ZNF48: variants seen among roughly 807,000 people sequenced by gnomAD.
ZNF48 encodes zinc finger protein 48.
A neutral mutation model predicts 40.0 loss-of-function variants in ZNF48; 20 were observed. The observed-to-expected ratio is 0.50, with a 90% CI of 0.35 to 0.73. The LOEUF (loss-of-function observed/expected upper bound fraction) is 0.73, where lower values mean the gene tolerates loss of function less well. Among genes scored for constraint, ZNF48 ranks in the 30% least tolerant of loss-of-function variants. The pLI is 0.01. For missense variants in ZNF48, 726 were observed against 851.9 expected (o/e 0.85, Z 1.84); for synonymous variants, 298 against 329.7 (o/e 0.90, Z 1.04).
Position 30,395,985 on chromosome 16 carries a change from G to T in ZNF48, c.79+112G>T. 1 of 1,129,694 alleles carries T rather than the reference G, an allele frequency of 8.9e-7. No homozygotes were observed. Among genetic ancestry groups the T allele is most frequent in the South Asian group, 2.1e-5 (1 of 48,362 alleles). 70.0% of individuals were successfully genotyped at this position (1,129,694 alleles called of 1,614,324 possible). On this transcript the variant is annotated intron_variant, in intron 2 of 2. Coordinates refer to ENST00000613509, the MANE Select transcript of ZNF48 (RefSeq NM_001214909.2). This position sits in a 1 kb window ranked among gnomAD's most constrained non-coding sequence, Gnocchi z 5.9. ...AGATCGGACGTGAGCTGTGCCTCTG[G>T]GGAGATAGGGGGAGGGGAGCTTTCG... is the stretch of plus-strand genomic sequence containing the variant.
upstream of ZNF48, among the ~76,000 whole-genome samples, chr16:30,393,842 T>G (rs537630451): frequency 6.6e-6 from 1 of 152,040 alleles, no homozygotes; most frequent in Non-Finnish European, 1.5e-5. Flanking sequence ...CAGTCTCCAG[T>G]GTAGCCAGGA....
chr16:30,378,747 G>A (rs759067671), intron 1 of ZNF48: 19 of 1,567,334 alleles, frequency 1.2e-5, no homozygotes, highest in Non-Finnish European at 1.6e-5. Context: ...GGGACCTGAG[G>A]TTGTGGGTGA....
rs192091806 is a variant in ZNF48 at position 30,386,142 on chromosome 16, C to T, written c.-16+7732C>T. 1.4e-3 allele frequency among the ~76,000 whole-genome samples: 207 copies of T among 151,066 alleles called. 1 individual carries two copies. The highest frequency in any genetic ancestry group is 4.7e-3 in the East Asian group (24 of 5,064). Reference sequence around the variant, plus strand: ...TAAAAAAAAAAAATTAGCTGGGCATCGTGGTGCACAATTGTTGCCCCAGCT... The same window carrying T: ...TAAAAAAAAAAAATTAGCTGGGCATTGTGGTGCACAATTGTTGCCCCAGCT... On this transcript the variant is annotated intron_variant, in intron 1 of 2. Coordinates refer to the ZNF48 transcript ENST00000528032.
At chr16:30,379,118 C>T in intron 1 of ZNF48, 4 of 1,614,098 alleles carry the variant, frequency 2.5e-6, no homozygotes, top group Non-Finnish European at 3.4e-6. Context: ...TCTTTCAGGT[C>T]CTGCAGGTGT....
Position 30,395,780 on chromosome 16 carries a change from G to A in ZNF48, c.-15G>A, listed in dbSNP as rs1211131138. 1 of 1,535,334 alleles carries A rather than the reference G, an allele frequency of 6.5e-7. No individual in the cohort carries two copies. On this transcript the variant is annotated splice_region_variant and 5_prime_UTR_variant, in exon 2 of 3. Coordinates refer to ENST00000613509, the MANE Select transcript of ZNF48 (RefSeq NM_001214909.2). This position sits in a 1 kb window ranked among gnomAD's most constrained non-coding sequence, Gnocchi z 5.9. ...GGATGCTGTCTGTCCCCTTGCTCAG[G>A]GCGGCGTGCCGGCGATGGAGCGCGC... is the stretch of plus-strand genomic sequence containing the variant.
upstream of ZNF48, chr16:30,394,535 GGGCTGCCGACCTGTCC>G (rs1317744979): frequency 6.6e-6 from 1 of 152,338 alleles, no homozygotes; most frequent in Non-Finnish European, 1.5e-5. Context: ...GGCCTCTATA[GGGCTGCCGACCTGTCC>G]GGAGTCTTTC....
intron 1 of ZNF48, chr16:30,379,292 C>T: frequency 1.3e-6 from 2 of 1,490,976 alleles, no homozygotes; most frequent in Admixed American, 1.8e-5. Flanking sequence ...GCGGAGGGTC[C>T]GCGGTCTGCA....
chr16:30,394,383 C>T (rs939455474), upstream of ZNF48, among the ~76,000 whole-genome samples: 1 of 152,168 alleles, frequency 6.6e-6, no homozygotes, highest in Non-Finnish European at 1.5e-5. Flanking sequence ...TCCAGACACT[C>T]TCTCCACCCC....
intron 1 of ZNF48, among the ~76,000 whole-genome samples, chr16:30,387,420 T>C (rs1380012909): frequency 2.0e-5 from 3 of 147,056 alleles, no homozygotes; most frequent in South Asian, 4.3e-4. Context: ...CCAGGCATGG[T>C]GGCGCATGCC....
chr16:30,399,254 T>A lies in ZNF48; in HGVS notation c.*147T>A. On this transcript the variant is annotated 3_prime_UTR_variant, in exon 3 of 3. Transcript: ENST00000613509. ...AGATAGAAATAGGGATTGGAGACAG[T>A]AACCTTGAAGCTCAGGAAACTGTCC... The A allele has an allele frequency of 1.2e-6, 1 of 821,922 alleles. No individual in the cohort carries two copies. The highest frequency in any genetic ancestry group is 1.8e-6 in the Non-Finnish European group (1 of 547,980). 50.9% of individuals were successfully genotyped at this position (821,922 alleles called of 1,614,324 possible).
rs1349502724 is a variant in ZNF48, at chr16:30,382,240, TCCC to T, written c.-16+3832_-16+3834del. The stretch of plus-strand genomic sequence containing the variant: ...GGACAGCCAGGGCCTCCTAAGGACA[TCCC>T]CTCCGCAGTTCCCTCTCCAAAACCC... On this transcript the variant is annotated intron_variant, in intron 1 of 2. Transcript: ENST00000528032. This position sits in a 1 kb window ranked among gnomAD's most constrained non-coding sequence, Gnocchi z 4.8. 1 of 1,612,676 alleles carries T rather than the reference TCCC, an allele frequency of 6.2e-7. No homozygotes were observed. Among genetic ancestry groups the T allele is most frequent in the African/African-American group, 1.3e-5 (1 of 74,832 alleles).
intron 1 of ZNF48, chr16:30,378,640 G>A (rs1208145736): frequency 6.2e-7 from 1 of 1,610,676 alleles, no homozygotes; most frequent in Non-Finnish European, 8.5e-7. Context: ...TCAGCTTCTC[G>A]GTGTCCGCCA....
rs949594398 is a variant in ZNF48 at position 30,395,693 on chromosome 16, C to G, written c.-15-87C>G. The G allele has an allele frequency of 1.7e-6, 2 of 1,146,442 alleles. No individual in the cohort carries two copies. Among genetic ancestry groups the G allele is most frequent in the African/African-American group, 3.2e-5 (2 of 62,022 alleles). 71.0% of individuals were successfully genotyped at this position (1,146,442 alleles called of 1,614,324 possible). ...CTGGGACCCGACGCCGCCCGGTGCC[C>G]GCGCTGGCCGGCAGAGGGCAGCGGC... On this transcript the variant is annotated intron_variant, in intron 1 of 2. Coordinates refer to ENST00000613509, the MANE Select transcript of ZNF48 (RefSeq NM_001214909.2). This position sits in a 1 kb window ranked among gnomAD's most constrained non-coding sequence, Gnocchi z 5.9.
rs2049868064 is a variant in ZNF48, at chr16:30,382,690, G to A, written c.-16+4280G>A. 6.5e-7 allele frequency: 1 copy of A among 1,530,704 alleles called. No homozygotes were observed. Among genetic ancestry groups the A allele is most frequent in the Non-Finnish European group, 8.8e-7 (1 of 1,140,530 alleles). 94.8% of individuals were successfully genotyped at this position (1,530,704 alleles called of 1,614,324 possible). On this transcript the variant is annotated intron_variant, in intron 1 of 2. Coordinates refer to the ZNF48 transcript ENST00000528032. The surrounding 1 kb of genome is among the most constrained non-coding windows in gnomAD (Gnocchi z 4.8). ...GAAGGCCAAGGCCAAGAACACTTGG[G>A]GTTGCCACCTCCTGGACCCCTTTGC...
intron 1 of ZNF48, chr16:30,379,638 C>CACTTT: frequency 3.4e-5 from 10 of 295,652 alleles, no homozygotes; most frequent in East Asian, 2.1e-4. Flanking sequence ...CTGCCCCTTC[C>CACTTT]TCTTTTTTTT....
intron 1 of ZNF48, chr16:30,378,568 G>A (rs1032914191): frequency 2.5e-6 from 4 of 1,608,604 alleles, no homozygotes; most frequent in South Asian, 1.1e-5. Flanking sequence ...GCCAGAGGGG[G>A]ACCTGGGGCA....
intron 1 of ZNF48, chr16:30,378,867 AGACGGAGAGAGG>A: frequency 9.7e-6 from 4 of 414,270 alleles, no homozygotes; most frequent in South Asian, 8.1e-5. Context: ...AGAGAGGGAG[AGACGGAGAGAGG>A]GAGGGAGGGA....
At chr16:30,388,187 T>C (rs1015537390) in intron 1 of ZNF48, among the ~76,000 whole-genome samples, 2 of 152,088 alleles carry the variant, frequency 1.3e-5, no homozygotes, top group Admixed American at 6.6e-5. Flanking sequence ...TTGGTCAGGC[T>C]GGTCTCGAAT....
Position 30,399,086 on chromosome 16 carries a change from G to C in ZNF48, c.1836G>C (p.Glu612Asp), listed in dbSNP as rs1353722594. ...GDGRARPLKQ[E>D]AATGLE ...GTAGGGCAAGGCCCCTCAAGCAGGA[G>C]GCAGCAACAGGACTGGAATGACGCG... Residue 612 changes from glutamate to aspartate, a missense_variant, in exon 3 of 3, where the codon GAG becomes GAC. Physicochemically the swap from Glu to Asp is conservative, Grantham distance 45. This residue lies in a region of ZNF48 where 166 missense variants were observed against 163.6 expected (regional missense o/e 1.01). Transcript: ENST00000613509. 5 of 1,595,332 alleles carry C rather than the reference G, an allele frequency of 3.1e-6. No individual in the cohort carries two copies. The Admixed American group carries it at 8.5e-5, about 27-fold the overall frequency.
Sources: gnomAD v4.1 joint callset for allele counts (sites outside exome capture counted in the v4.1 genomes callset) on GRCh38, gnomAD v4.1.1 for gene constraint, gnomAD v4.1.1 regional missense constraint, Gnocchi (gnomAD v3.1) non-coding constraint, MANE v1.5 for transcripts, NCBI Gene and HGNC (gene_info 2026-07-23, HGNC 2026-07-21) for gene names.